Variants in CNIH3 observed in about 807,000 individuals in gnomAD.
The protein encoded by CNIH3 is cornichon family AMPA receptor auxiliary protein 3.
Under a neutral mutation model 24.1 loss-of-function variants are expected in CNIH3, and 14 were observed. The observed-to-expected ratio is 0.58, with a 90% CI of 0.38 to 0.91. The LOEUF (loss-of-function observed/expected upper bound fraction) is 0.91, where lower values mean the gene tolerates loss of function less well. Ranked by LOEUF, CNIH3 falls within the 40% of genes least tolerant of loss-of-function variation. The pLI, the probability that CNIH3 is intolerant of heterozygous loss-of-function variation, is 0.00. For synonymous variants in CNIH3, 68 were observed against 73.8 expected, an observed-to-expected ratio of 0.92 and a Z score of 0.40; for missense variants, 178 against 196.8, an observed-to-expected ratio of 0.90 and a Z score of 0.57.
rs71792467 is a variant in CNIH3 at position 224,625,940 on chromosome 1, A to ATT, written c.81+8694_81+8695dup. Among the ~76,000 whole-genome samples, 40 of 149,230 alleles carry ATT rather than the reference A, an allele frequency of 2.7e-4. 1 individual carries two copies. Among genetic ancestry groups the ATT allele is most frequent in the African/African-American group, 8.1e-4 (33 of 40,602 alleles). On this transcript the variant is annotated intron_variant, in intron 1 of 5. Coordinates refer to ENST00000272133, the MANE Select transcript of CNIH3 (RefSeq NM_152495.2). Reference sequence around the variant, plus strand: ...ATCCCACTGCTATCTTGTAATACCCATTTTTTTTTTAATCATAGATTGTGA... The same window carrying ATT: ...ATCCCACTGCTATCTTGTAATACCCATTTTTTTTTTTTAATCATAGATTGTGA...
At chr1:224,439,028 T>C (rs1378865505) in intron 1 of CNIH3, among the ~76,000 whole-genome samples, 2 of 152,212 alleles carry the variant, frequency 1.3e-5, no homozygotes, top group African/African-American at 4.8e-5. Context: ...ACTTTCTTAC[T>C]CAGCCCTGCC....
intron 1 of CNIH3, among the ~76,000 whole-genome samples, chr1:224,441,357 A>G (rs1674905375): frequency 6.6e-6 from 1 of 152,108 alleles, no homozygotes; most frequent in Non-Finnish European, 1.5e-5. Context: ...TTATATTCTC[A>G]CACTGCCATC....
chr1:224,539,251 T>C (rs888813281), downstream of CNIH3, among the ~76,000 whole-genome samples: 1 of 152,218 alleles, frequency 6.6e-6, no homozygotes, highest in Non-Finnish European at 1.5e-5. Flanking sequence ...GCCAGAAGCC[T>C]CAGTCGTCTT....
chr1:224,614,002 G>C (rs545784674), upstream of CNIH3, among the ~76,000 whole-genome samples: 12 of 151,862 alleles, frequency 7.9e-5, no homozygotes, highest in South Asian at 2.3e-3. Context: ...CCTTAGCCCT[G>C]CAAGAAGCTG....
intron 1 of CNIH3, among the ~76,000 whole-genome samples, chr1:224,629,726 G>T (rs1387673492): frequency 6.6e-6 from 1 of 151,976 alleles, no homozygotes; most frequent in Admixed American, 6.6e-5. Flanking sequence ...GATATTACAG[G>T]CAGAAACTCT....
intron 3 of CNIH3, among the ~76,000 whole-genome samples, chr1:224,709,943 G>A (rs1450693043): frequency 1.3e-5 from 2 of 152,082 alleles, no homozygotes; most frequent in Admixed American, 6.5e-5. Context: ...CTATGATAAA[G>A]TTTTACTTAT....
chr1:224,569,013 C>T (rs1248984220), intron 4 of CNIH3, among the ~76,000 whole-genome samples: 6 of 152,184 alleles, frequency 3.9e-5, no homozygotes. Context: ...GCTGGGATTA[C>T]AGGCATGTGC....
chr1:224,481,723 CT>C (rs1676821055), intron 1 of CNIH3, among the ~76,000 whole-genome samples: 1 of 152,194 alleles, frequency 6.6e-6, no homozygotes, highest in Non-Finnish European at 1.5e-5. Flanking sequence ...ACCACTGGGT[CT>C]TGCCCTAGGC....
chr1:224,621,976 A>G (rs562035226), intron 1 of CNIH3, among the ~76,000 whole-genome samples: 10 of 152,310 alleles, frequency 6.6e-5, no homozygotes, highest in East Asian at 3.9e-4. Flanking sequence ...TATAAAGGGC[A>G]GTTCTCCTGC....
downstream of CNIH3, among the ~76,000 whole-genome samples, chr1:224,589,298 G>A (rs953387487): frequency 6.6e-6 from 1 of 152,080 alleles, no homozygotes; most frequent in Non-Finnish European, 1.5e-5. Context: ...GTGACTATGA[G>A]GCACTTTGAA....
intron 1 of CNIH3, among the ~76,000 whole-genome samples, chr1:224,452,913 A>G (rs150873275): frequency 0.28 from 43,031 of 151,256 alleles, 7,632 homozygotes; most frequent in African/African-American, 0.5. Context: ...CTGAGGTCAG[A>G]AGTTCAAGAC....
downstream of CNIH3, chr1:224,537,530 C>G (rs957847297): frequency 6.6e-6 from 1 of 152,170 alleles, no homozygotes; most frequent in Admixed American, 6.5e-5. Flanking sequence ...AACCAATGTA[C>G]GTCTTACACA....
chr1:224,457,309 G>A (rs1346510695), intron 1 of CNIH3, among the ~76,000 whole-genome samples: 1 of 151,610 alleles, frequency 6.6e-6, no homozygotes, highest in Non-Finnish European at 1.5e-5. Flanking sequence ...GTGTGTGTGT[G>A]TGTGTGTGTC....
rs910847313 is a variant in CNIH3, at chr1:224,680,836, C to G, written c.82-122C>G. ...CGACAGTGACCAGCTGCTGGCCAAT[C>G]TCATGCCATCTACAGCCTCTTCCTT... On this transcript the variant is annotated intron_variant, in intron 1 of 5. Coordinates refer to ENST00000272133, the MANE Select transcript of CNIH3 (RefSeq NM_152495.2). The G allele has an allele frequency of 3.3e-4, 240 of 724,224 alleles. 1 individual carries two copies. The Admixed American group carries it at 4.9e-3, about 15-fold the overall frequency. The allele number at this position is 724,224 out of a possible 1,614,324, so 44.9% of individuals were successfully genotyped here. A position where few individuals can be genotyped will look rare whatever the true frequency, so the allele number is the denominator to read the frequency against.
At chr1:224,663,541 A>T (rs1442732122) in intron 1 of CNIH3, among the ~76,000 whole-genome samples, 1 of 152,184 alleles carries the variant, frequency 6.6e-6, no homozygotes, top group African/African-American at 2.4e-5. Flanking sequence ...GTTTGGACCC[A>T]CAAAACATAC....
chr1:224,450,634 A>T (rs1242815084), intron 1 of CNIH3, among the ~76,000 whole-genome samples: 1 of 152,248 alleles, frequency 6.6e-6, no homozygotes, highest in Admixed American at 6.5e-5. Flanking sequence ...CCGAAGGGAG[A>T]TCATAGCTGG....
intron 1 of CNIH3, among the ~76,000 whole-genome samples, chr1:224,462,637 A>AC (rs1553254873): frequency 7.5e-5 from 9 of 119,426 alleles, no homozygotes; most frequent in African/African-American, 2.5e-4. Context: ...TCTGGACCCA[A>AC]TTTTTTTTTT....
At chr1:224,718,322 A>C (rs1688537016) in intron 3 of CNIH3, among the ~76,000 whole-genome samples, 1 of 152,164 alleles carries the variant, frequency 6.6e-6, no homozygotes, top group African/African-American at 2.4e-5. Context: ...GGGCTACAGC[A>C]TGCGCTAAGC....
At position 224,571,640 on chromosome 1, in the gene CNIH3, G is replaced by A. The variant is rs150559785; in HGVS notation, n.516+5376G>A. Among the ~76,000 whole-genome samples, 362 of 152,116 alleles carry A rather than the reference G, an allele frequency of 2.4e-3. 9 individuals carry two copies. In the East Asian group the frequency reaches 0.048, roughly 20 times the overall value. Reference sequence around the variant, plus strand: ...CTCGGGAGGCTGAGGCATGAGAATCGCTTGAACCTAGGAGGCGGAGGTTGC... The same window carrying A: ...CTCGGGAGGCTGAGGCATGAGAATCACTTGAACCTAGGAGGCGGAGGTTGC... On this transcript the variant is annotated intron_variant and non_coding_transcript_variant, in intron 4 of 5. Coordinates refer to the CNIH3 transcript ENST00000471578.
Sources: gnomAD v4.1 joint callset for allele counts (sites outside exome capture counted in the v4.1 genomes callset) on GRCh38, gnomAD v4.1.1 for gene constraint, MANE v1.5 for transcripts, NCBI Gene and HGNC (gene_info 2026-07-23, HGNC 2026-07-21) for gene names.